DNAAF9: variants seen among roughly 807,000 people sequenced by gnomAD.
The protein encoded by DNAAF9 is dynein axonemal assembly factor 9, also known as shulin.
Under a neutral mutation model 167.0 loss-of-function variants are expected in DNAAF9, and 90 were observed. The observed-to-expected ratio is 0.54, with a 90% CI of 0.45 to 0.64. The LOEUF (loss-of-function observed/expected upper bound fraction) is 0.64, where lower values mean the gene tolerates loss of function less well. DNAAF9 is among the 30% of genes least tolerant of loss of function. The pLI, the probability that DNAAF9 is intolerant of heterozygous loss-of-function variation, is 0.00. For missense variants in DNAAF9, 1,315 were observed against 1,442.2 expected, an observed-to-expected ratio of 0.91 and a Z score of 1.43; for synonymous variants, 491 against 508.8, an observed-to-expected ratio of 0.96 and a Z score of 0.47.
chr20:3,324,957 T>C lies in DNAAF9; in HGVS notation c.1200A>G (p.Val400=). 1 of 1,598,464 alleles carries C rather than the reference T, an allele frequency of 6.3e-7. No homozygotes were observed. Among genetic ancestry groups the C allele is most frequent in the Non-Finnish European group, 8.6e-7 (1 of 1,165,652 alleles). Reference sequence around the variant, plus strand: ...ACCCAGATCCCAGAGTTTGCTCTGCTACCTCCTTGGCCTGTAAAATAATAA... The same window carrying C: ...ACCCAGATCCCAGAGTTTGCTCTGCCACCTCCTTGGCCTGTAAAATAATAA... ...KTSSLTKAKE[V]AEQTLGSGLD... The change falls in exon 14 of 37, where the codon GTA becomes GTG. Residue 400 remains valine, a synonymous_variant. Transcript: ENST00000252032.
intron 7 of DNAAF9, among the ~76,000 whole-genome samples, chr20:3,357,462 A>G (rs139443716): frequency 0.015 from 2,317 of 152,142 alleles, 29 homozygotes; most frequent in Non-Finnish European, 0.023. Flanking sequence ...ACAGAGTGAG[A>G]CTCTGTCTCA....
At chr20:3,310,216 C>T (rs1000533962) in intron 20 of DNAAF9, among the ~76,000 whole-genome samples, 2 of 127,782 alleles carry the variant, frequency 1.6e-5, no homozygotes, top group Admixed American at 1.7e-4. Context: ...GATGAACAAA[C>T]GAACTAATGA....
At chr20:3,364,795 G>A (rs1161749725) in intron 6 of DNAAF9, among the ~76,000 whole-genome samples, 2 of 152,142 alleles carry the variant, frequency 1.3e-5, no homozygotes, top group Non-Finnish European at 2.9e-5. Context: ...CTGGTGGAGG[G>A]TCTTGCCTCC....
intron 7 of DNAAF9, among the ~76,000 whole-genome samples, chr20:3,349,710 A>T (rs1160144779): frequency 6.6e-6 from 1 of 152,144 alleles, no homozygotes; most frequent in East Asian, 1.9e-4. Context: ...ATTCTCAAGC[A>T]CTACAAATTG....
Position 3,287,546 on chromosome 20 carries a change from G to A in DNAAF9, c.2486+86C>T, listed in dbSNP as rs1440629006. On this transcript the variant is annotated intron_variant, in intron 27 of 36. Coordinates refer to ENST00000252032, the MANE Select transcript of DNAAF9 (RefSeq NM_001009984.3). ...CTCATGCATGTAGAGTCTGTTCTGT[G>A]CTCCAGGTTTGTTACACATAAAATA... The A allele has an allele frequency of 2.3e-6, 3 of 1,286,844 alleles. No homozygotes were observed. In the East Asian group the frequency reaches 6.9e-5, roughly 30 times the overall value. The allele number at this position is 1,286,844 out of a possible 1,614,324, so 79.7% of individuals were successfully genotyped here.
intron 1 of DNAAF9, among the ~76,000 whole-genome samples, chr20:3,385,017 A>G (rs1460951102): frequency 6.6e-6 from 1 of 152,060 alleles, no homozygotes; most frequent in Admixed American, 6.6e-5. Context: ...TGCATCAATT[A>G]AAAAAACAGA....
rs1473115341 is a variant in DNAAF9, at chr20:3,296,753, C to G, written c.2018+108G>C. ...GCAGCATTGAAATGTCTGTGTTGAC[C>G]CTTTCAGAAGCCAAGACCCCTGTGT... On this transcript the variant is annotated intron_variant, in intron 23 of 36. Transcript: ENST00000252032. 1.1e-5 allele frequency: 8 copies of G among 729,260 alleles called. No homozygotes were observed. In the African/African-American group the frequency reaches 1.2e-4, roughly 11 times the overall value. 45.2% of individuals were successfully genotyped at this position (729,260 alleles called of 1,614,324 possible).
chr20:3,372,446 T>C (rs1201856861), intron 6 of DNAAF9, among the ~76,000 whole-genome samples: 1 of 152,220 alleles, frequency 6.6e-6, no homozygotes, highest in Non-Finnish European at 1.5e-5. Context: ...ATGTGTACCA[T>C]TTCTTCTTCA....
intron 29 of DNAAF9, 86 bp from the exon 30 acceptor site, chr20:3,270,648 C>A: frequency 8.9e-7 from 1 of 1,122,262 alleles, no homozygotes; most frequent in South Asian, 1.3e-5. Flanking sequence ...TGCTCCATCC[C>A]CTAATCATGC....
intron 36 of DNAAF9, among the ~76,000 whole-genome samples, chr20:3,252,912 C>T (rs1223541899): frequency 6.6e-6 from 1 of 152,244 alleles, no homozygotes; most frequent in East Asian, 1.9e-4. Context: ...CTGAGCCCTT[C>T]AGCTTCAGCC....
intron 16 of DNAAF9, among the ~76,000 whole-genome samples, chr20:3,320,430 T>C (rs1408437338): frequency 6.6e-6 from 1 of 152,190 alleles, no homozygotes; most frequent in Non-Finnish European, 1.5e-5. Context: ...TCATTAGCTG[T>C]GCATACTTGA....
chr20:3,317,950 T>A (rs969551882), intron 17 of DNAAF9, among the ~76,000 whole-genome samples: 1 of 152,156 alleles, frequency 6.6e-6, no homozygotes, highest in Non-Finnish European at 1.5e-5. Context: ...CATTTATAAA[T>A]AGTCCTCCTC....
At chr20:3,392,474 T>C (rs2083840212) in intron 1 of DNAAF9, among the ~76,000 whole-genome samples, 1 of 152,222 alleles carries the variant, frequency 6.6e-6, no homozygotes, top group African/African-American at 2.4e-5. Context: ...ATCACAAAGC[T>C]AAGTAAAGAT....
chr20:3,399,376 A>C (rs1228369013), intron 1 of DNAAF9, among the ~76,000 whole-genome samples: 1 of 151,862 alleles, frequency 6.6e-6, no homozygotes, highest in Non-Finnish European at 1.5e-5. Context: ...TGCCTGGCTA[A>C]TTTCTGTATT....
chr20:3,386,113 C>A (rs1014960901), intron 1 of DNAAF9, among the ~76,000 whole-genome samples: 1 of 152,008 alleles, frequency 6.6e-6, no homozygotes, highest in Non-Finnish European at 1.5e-5. Flanking sequence ...ATAGTGAGAC[C>A]TCATCTCTTA....
intron 1 of DNAAF9, among the ~76,000 whole-genome samples, chr20:3,406,255 A>C (rs1183093185): frequency 6.6e-6 from 1 of 152,190 alleles, no homozygotes; most frequent in East Asian, 1.9e-4. Context: ...CAACCCCAAA[A>C]ATCAGATCAG....
chr20:3,356,055 C>T (rs189879777), intron 7 of DNAAF9, among the ~76,000 whole-genome samples: 4 of 152,226 alleles, frequency 2.6e-5, no homozygotes, highest in East Asian at 3.9e-4. Flanking sequence ...GACAGAGTAT[C>T]GCTCTGTTGC....
chr20:3,332,900 GGTGT>G (rs3082550), intron 10 of DNAAF9, among the ~76,000 whole-genome samples: 5,645 of 146,896 alleles, frequency 0.038, 253 homozygotes, highest in East Asian at 0.15. Flanking sequence ...GTGTGCGTGT[GGTGT>G]GTGTGTGTGT....
chr20:3,287,928 G>T, intron 26 of DNAAF9, 138 bp from the exon 27 acceptor site: 1 of 773,290 alleles, frequency 1.3e-6, no homozygotes, highest in Non-Finnish European at 2.1e-6. Context: ...AGCCATCTTG[G>T]CCTCACAGAA....
Sources: gnomAD v4.1 joint callset for allele counts (sites outside exome capture counted in the v4.1 genomes callset) on GRCh38, gnomAD v4.1.1 for gene constraint, MANE v1.5 for transcripts, NCBI Gene and HGNC (gene_info 2026-07-23, HGNC 2026-07-21) for gene names.